The following CSN3 variants were observed in gnomAD, a reference collection of about 807,000 sequenced individuals.
The protein encoded by CSN3 is casein kappa.
In CSN3, 7 loss-of-function variants were observed where a neutral mutation model predicts 9.9. The ratio of observed to expected loss-of-function variants is 0.71; its 90% confidence interval spans 0.40 to 1.33. The LOEUF is 1.33. CSN3 is among the 40% of genes most tolerant of loss of function. CSN3 has a pLI of 0.01. For missense variants in CSN3, 253 were observed against 227.9 expected (o/e 1.11, Z -0.71); for synonymous variants, 88 against 82.3 (o/e 1.07, Z -0.37).
At chr4:70,243,640 A>G (rs1461954302) in intron 1 of CSN3, among the ~76,000 whole-genome samples, 4 of 152,078 alleles carry the variant, frequency 2.6e-5, no homozygotes, top group Non-Finnish European at 5.9e-5. Context: ...GAGTGTGTCA[A>G]TAACAATAGC....
At chr4:70,244,068 C>A (rs1235224360) in intron 1 of CSN3, among the ~76,000 whole-genome samples, 1 of 152,048 alleles carries the variant, frequency 6.6e-6, no homozygotes, top group Admixed American at 6.6e-5. Context: ...AAAGGGAAAT[C>A]ACTTGATCAA....
intron 1 of CSN3, among the ~76,000 whole-genome samples, chr4:70,244,211 T>G (rs944623207): frequency 6.6e-6 from 1 of 152,100 alleles, no homozygotes; most frequent in African/African-American, 2.4e-5. Context: ...TTTTAACCCA[T>G]CATTATCTTA....
intron 2 of CSN3, among the ~76,000 whole-genome samples, chr4:70,245,188 T>C (rs1322329315): frequency 6.6e-6 from 1 of 152,084 alleles, no homozygotes; most frequent in Admixed American, 6.6e-5. Flanking sequence ...AAATTGTAAA[T>C]GCATTAAGGA....
chr4:70,240,136 T>G (rs72856595), upstream of CSN3, among the ~76,000 whole-genome samples: 2,224 of 151,960 alleles, frequency 0.015, 48 homozygotes, highest in African/African-American at 0.049. Flanking sequence ...AAAACAGACA[T>G]GAAGTACATT....
At chr4:70,248,817 C>A (rs3775743) in intron 3 of CSN3, among the ~76,000 whole-genome samples, 181 bp from the exon 4 acceptor site, 17,315 of 151,574 alleles carry the variant, frequency 0.11, 1,309 homozygotes, top group East Asian at 0.27. Flanking sequence ...TATTGAAAAT[C>A]ATAAAGTGGA....
At chr4:70,245,570 G>C (rs1730361417) in intron 2 of CSN3, among the ~76,000 whole-genome samples, 1 of 151,828 alleles carries the variant, frequency 6.6e-6, no homozygotes, top group South Asian at 2.1e-4. Flanking sequence ...TGTTGTTTTG[G>C]CTATTGCCTC....
At chr4:70,248,853 A>G (rs1178961411) in intron 3 of CSN3, 145 bp from the exon 4 acceptor site, 3 of 462,216 alleles carry the variant, frequency 6.5e-6, no homozygotes, top group African/African-American at 5.9e-5. Flanking sequence ...TCAACATCTT[A>G]TAAAATAATA....
At chr4:70,251,224 C>T (rs1234443113) in intron 4 of CSN3, 38 bp from the exon 5 acceptor site, 1 of 152,138 alleles carries the variant, frequency 6.6e-6, no homozygotes, top group Non-Finnish European at 1.5e-5. Flanking sequence ...TGTTAACATA[C>T]TATGAATAAA....
At chr4:70,247,928 G>A (rs1578254726) in intron 3 of CSN3, 78 bp downstream of exon 3, 3 of 1,027,426 alleles carry the variant, frequency 2.9e-6, no homozygotes, top group East Asian at 5.3e-5. Flanking sequence ...TATTATAGAT[G>A]CCTTCTGTCT....
At chr4:70,248,722 G>T (rs1730425276) in intron 3 of CSN3, among the ~76,000 whole-genome samples, 1 of 151,642 alleles carries the variant, frequency 6.6e-6, no homozygotes, top group Non-Finnish European at 1.5e-5. Flanking sequence ...GCCAATCTCT[G>T]GGCAATATGG....
At chr4:70,250,770 T>C (rs1213551786) in intron 4 of CSN3, among the ~76,000 whole-genome samples, 1 of 152,104 alleles carries the variant, frequency 6.6e-6, no homozygotes, top group Non-Finnish European at 1.5e-5. Flanking sequence ...TTTCAGATAG[T>C]GGGGTTTAAT....
At chr4:70,247,754 T>G in intron 2 of CSN3, 64 bp from the exon 3 acceptor site, 6 of 1,302,870 alleles carry the variant, frequency 4.6e-6, no homozygotes, top group South Asian at 1.3e-5. Flanking sequence ...TTTTAACTGA[T>G]TTAAGTACTT....
intron 1 of CSN3, among the ~76,000 whole-genome samples, chr4:70,243,685 C>T (rs1192061107): frequency 6.6e-6 from 1 of 151,960 alleles, no homozygotes; most frequent in African/African-American, 2.4e-5. Flanking sequence ...ACTTCCTAAA[C>T]ATAATATATA....
upstream of CSN3, among the ~76,000 whole-genome samples, chr4:70,238,893 C>T: frequency 6.6e-6 from 1 of 151,728 alleles, no homozygotes; most frequent in East Asian, 1.9e-4. Flanking sequence ...TAGTGGAGAA[C>T]TAGTCGTGAA....
At chr4:70,248,839 C>G (rs1730427450) in intron 3 of CSN3, among the ~76,000 whole-genome samples, 159 bp from the exon 4 acceptor site, 1 of 151,774 alleles carries the variant, frequency 6.6e-6, no homozygotes, top group Non-Finnish European at 1.5e-5. Context: ...AGGCAATGTA[C>G]AAATCAACAT....
At chr4:70,243,260 T>G (rs1001305828) in intron 1 of CSN3, 1 of 597,154 alleles carries the variant, frequency 1.7e-6, no homozygotes, top group African/African-American at 2.0e-5. Context: ...TAGAATATTT[T>G]CTTTTGTTTA....
upstream of CSN3, among the ~76,000 whole-genome samples, chr4:70,239,993 T>C (rs1401341434): frequency 1.3e-5 from 2 of 151,980 alleles, no homozygotes; most frequent in Non-Finnish European, 2.9e-5. Context: ...TTGCAACTAC[T>C]GTTACAAACA....
rs1039619303 is a variant in CSN3 at position 70,248,888 on chromosome 4, A to G, written c.88-110A>G. ...ATTGCTGCTGGGTTCCATACTTCTAATATCTTACTCAATGGTAAATACTAT... is the reference window on the plus strand; with the variant it reads ...ATTGCTGCTGGGTTCCATACTTCTAGTATCTTACTCAATGGTAAATACTAT... On this transcript the variant is annotated intron_variant, in intron 3 of 4. Coordinates refer to ENST00000304954, the Ensembl canonical transcript of CSN3. 39 of 699,646 alleles carry G rather than the reference A, an allele frequency of 5.6e-5. 1 individual carries two copies. The African/African-American group carries it at 6.4e-4, about 12-fold the overall frequency. 43.3% of individuals were successfully genotyped at this position (699,646 alleles called of 1,614,324 possible). A position where few individuals can be genotyped will look rare whatever the true frequency, so the allele number is the denominator to read the frequency against.
chr4:70,244,929 G>A (rs1269183382), intron 2 of CSN3, 56 bp downstream of exon 2: 12 of 1,024,248 alleles, frequency 1.2e-5, no homozygotes, highest in Non-Finnish European at 1.7e-5. Context: ...TTTGTTTAAG[G>A]GCTTTAACTA....
Sources: gnomAD v4.1 joint callset for allele counts (sites outside exome capture counted in the v4.1 genomes callset) on GRCh38, gnomAD v4.1.1 for gene constraint, MANE v1.5 for transcripts, NCBI Gene and HGNC (gene_info 2026-07-23, HGNC 2026-07-21) for gene names.